The following MYT1L variants were observed in gnomAD, a reference collection of about 807,000 sequenced individuals.
The protein encoded by MYT1L is myelin transcription factor 1-like protein.
A neutral mutation model predicts 126.7 loss-of-function variants in MYT1L; 12 were observed. The ratio of observed to expected loss-of-function variants is 0.09; its 90% CI spans 0.06 to 0.15. The LOEUF (loss-of-function observed/expected upper bound fraction) is 0.15, where lower values mean the gene tolerates loss of function less well. Ranked by LOEUF, MYT1L falls within the 10% of genes least tolerant of loss-of-function variation. The probability of loss-of-function intolerance (pLI) is 1.00; values close to 1 mark genes in which losing one functional copy is unlikely to be tolerated. For missense variants in MYT1L, 979 were observed against 1,585.2 expected (o/e 0.62, Z 6.49); for synonymous variants, 541 against 604.2 (o/e 0.90, Z 1.53).
intron 19 of MYT1L, among the ~76,000 whole-genome samples, chr2:1,844,343 A>AG (rs2042221887): frequency 6.6e-6 from 1 of 152,166 alleles, no homozygotes; most frequent in South Asian, 2.1e-4. Context: ...GATGAAAACA[A>AG]GGGAACGTTT....
intron 4 of MYT1L, among the ~76,000 whole-genome samples, chr2:2,008,868 A>AT (rs2063564396): frequency 6.6e-6 from 1 of 152,146 alleles, no homozygotes; most frequent in African/African-American, 2.4e-5. Flanking sequence ...TTTAATGTAT[A>AT]AGACAAGGAT....
chr2:2,238,094 T>C (rs1572736431), intron 2 of MYT1L, among the ~76,000 whole-genome samples: 1 of 152,208 alleles, frequency 6.6e-6, no homozygotes, highest in Admixed American at 6.5e-5. Flanking sequence ...GTTTCTTAGT[T>C]GAATATTTTT....
At chr2:1,837,410 A>C (rs990536736) in intron 21 of MYT1L, among the ~76,000 whole-genome samples, 1 of 152,144 alleles carries the variant, frequency 6.6e-6, no homozygotes, top group Non-Finnish European at 1.5e-5. Flanking sequence ...GTTTTTACAA[A>C]ATTTTTAAAC....
intron 18 of MYT1L, among the ~76,000 whole-genome samples, chr2:1,858,028 A>T (rs1040875663): frequency 2.0e-5 from 3 of 152,180 alleles, no homozygotes; most frequent in Middle Eastern, 6.8e-3. Flanking sequence ...ATACCCAGCT[A>T]ATCTTTTGTA....
chr2:2,069,059 C>G (rs752881913), intron 3 of MYT1L, among the ~76,000 whole-genome samples: 2 of 151,882 alleles, frequency 1.3e-5, no homozygotes, highest in African/African-American at 4.8e-5. Flanking sequence ...AACTCCTTGA[C>G]ATTTGGGCAA....
chr2:1,982,524 G>C (rs539982375), intron 5 of MYT1L, among the ~76,000 whole-genome samples: 1 of 152,272 alleles, frequency 6.6e-6, no homozygotes, highest in African/African-American at 2.4e-5. Context: ...AAATTTCCTG[G>C]AGGAACTCAT....
chr2:2,315,133 A>G (rs2096043943), intron 1 of MYT1L, among the ~76,000 whole-genome samples: 1 of 152,182 alleles, frequency 6.6e-6, no homozygotes, highest in African/African-American at 2.4e-5. Flanking sequence ...CTTTTCTGTT[A>G]GTGTGTCAAC....
chr2:2,122,336 A>T (rs2081140598), intron 3 of MYT1L, among the ~76,000 whole-genome samples: 1 of 151,812 alleles, frequency 6.6e-6, no homozygotes, highest in Non-Finnish European at 1.5e-5. Flanking sequence ...TCTCATGGGG[A>T]CTCTGCAGGT....
chr2:2,124,715 T>C lies in MYT1L; in HGVS notation c.-304+48157A>G, dbSNP rs145894969. On this transcript the variant is annotated intron_variant, in intron 3 of 24. Transcript: ENST00000647738. ...GAATACCAGGATACTATTTCCATTA[T>C]AAATGCAGAGACAGATGTAAAGAGG... Among the ~76,000 whole-genome samples the C allele has an allele frequency of 4.2e-4, 64 of 152,350 alleles. 1 individual carries two copies. In the East Asian group the frequency reaches 0.012, roughly 29 times the overall value.
At chr2:2,033,612 T>TA (rs113249829) in intron 4 of MYT1L, among the ~76,000 whole-genome samples, 1,533 of 146,842 alleles carry the variant, frequency 0.01, 34 homozygotes, top group African/African-American at 0.035. Context: ...GAACAAACAT[T>TA]AAAAAAAAAA....
intron 3 of MYT1L, among the ~76,000 whole-genome samples, chr2:2,112,840 T>A (rs1468835374): frequency 6.6e-6 from 1 of 152,208 alleles, no homozygotes; most frequent in Non-Finnish European, 1.5e-5. Context: ...CAATATCAGC[T>A]CTGAACCATG....
chr2:1,802,307 C>T (rs551372310), intron 22 of MYT1L, among the ~76,000 whole-genome samples: 22 of 152,278 alleles, frequency 1.4e-4, no homozygotes, highest in African/African-American at 5.1e-4. Flanking sequence ...GGGCAACAGA[C>T]GTGTAACGAC....
intron 3 of MYT1L, among the ~76,000 whole-genome samples, chr2:2,073,003 T>G (rs1485267848): frequency 6.6e-6 from 1 of 152,148 alleles, no homozygotes; most frequent in East Asian, 1.9e-4. Flanking sequence ...TGCTTTTGGT[T>G]TGTAGACAGT....
chr2:2,038,059 C>A (rs891132710), intron 4 of MYT1L, among the ~76,000 whole-genome samples: 3 of 152,150 alleles, frequency 2.0e-5, no homozygotes, highest in Non-Finnish European at 4.4e-5. Flanking sequence ...GCATTCCATG[C>A]AGACGTAGCA....
chr2:1,894,327 C>A (rs923915067), intron 14 of MYT1L, among the ~76,000 whole-genome samples: 7 of 152,126 alleles, frequency 4.6e-5, no homozygotes, highest in Admixed American at 3.3e-4. Flanking sequence ...GAGAGACCAC[C>A]GTGGGGCTGC....
intron 14 of MYT1L, among the ~76,000 whole-genome samples, chr2:1,894,826 T>C (rs1573327933): frequency 6.6e-6 from 1 of 152,284 alleles, no homozygotes; most frequent in Non-Finnish European, 1.5e-5. Flanking sequence ...CTTCTCGTCA[T>C]GAGCCCCTCT....
At chr2:2,031,669 T>C in intron 4 of MYT1L, among the ~76,000 whole-genome samples, 1 of 137,250 alleles carries the variant, frequency 7.3e-6, no homozygotes, top group African/African-American at 2.8e-5. Flanking sequence ...CCTCTCATCC[T>C]GTGGCCCAGA....
chr2:1,854,023 C>T (rs1301484871), intron 18 of MYT1L, among the ~76,000 whole-genome samples: 1 of 152,032 alleles, frequency 6.6e-6, no homozygotes, highest in Non-Finnish European at 1.5e-5. Context: ...TTTATGTGTC[C>T]TTCTTGTTAT....
chr2:1,908,325 C>T (rs2051387989), intron 13 of MYT1L, among the ~76,000 whole-genome samples: 1 of 152,186 alleles, frequency 6.6e-6, no homozygotes, highest in Non-Finnish European at 1.5e-5. Context: ...CTGAAATCCC[C>T]ACTCTGTGCT....
Sources: allele counts gnomAD v4.1 joint callset (sites outside exome capture counted in the v4.1 genomes callset), GRCh38; gene constraint gnomAD v4.1.1; transcripts MANE v1.5; gene names NCBI Gene and HGNC (gene_info 2026-07-23, HGNC 2026-07-21).